Variants in LINGO2 observed in about 807,000 individuals in gnomAD.
The protein encoded by LINGO2 is leucine rich repeat and Ig domain containing 2, also known as leucine-rich repeat and immunoglobulin-like domain-containing nogo receptor-interacting protein 2.
LINGO2 carries 14 observed loss-of-function variants against 30.6 expected under a neutral mutation model. The ratio of observed to expected loss-of-function variants is 0.46; its 90% CI spans 0.30 to 0.72. LINGO2 has a LOEUF of 0.72. Among genes scored for constraint, LINGO2 ranks in the 30% least tolerant of loss-of-function variants. LINGO2 has a pLI of 0.07. For missense variants in LINGO2, 729 were observed against 751.7 expected (o/e 0.97, Z 0.35); for synonymous variants, 317 against 288.5 (o/e 1.10, Z -1.00).
At chr9:29,113,578 C>T in the LINGO2 span, among the ~76,000 whole-genome samples, 2 of 152,172 alleles carry the variant, frequency 1.3e-5, no homozygotes, top group Admixed American at 6.6e-5. Context: ...CCAATTCTGA[C>T]TAAAGAAGTA....
At chr9:29,075,137 T>C in the LINGO2 span, among the ~76,000 whole-genome samples, 20 of 152,174 alleles carry the variant, frequency 1.3e-4, no homozygotes, top group African/African-American at 4.6e-4. Flanking sequence ...TAAGATTACT[T>C]AGTTCTGAAA....
chr9:28,830,935 A>G, the LINGO2 span, among the ~76,000 whole-genome samples: 1 of 152,176 alleles, frequency 6.6e-6, no homozygotes, highest in South Asian at 2.1e-4. Flanking sequence ...CTAACGTAAT[A>G]CAGAGAACAA....
chr9:28,685,433 G>A, the LINGO2 span, among the ~76,000 whole-genome samples: 1 of 152,116 alleles, frequency 6.6e-6, no homozygotes, highest in South Asian at 2.1e-4. Context: ...ACTTTGCAAG[G>A]TGATCTTTAG....
At chr9:28,167,205 C>G (rs556211396) in intron 4 of LINGO2, among the ~76,000 whole-genome samples, 1 of 140,842 alleles carries the variant, frequency 7.1e-6, no homozygotes, top group South Asian at 2.4e-4. Flanking sequence ...CTTTAGAAAG[C>G]TGAAAATCTG....
At chr9:28,045,371 T>TATTAG (rs1824372950) in intron 4 of LINGO2, among the ~76,000 whole-genome samples, 1 of 152,180 alleles carries the variant, frequency 6.6e-6, no homozygotes, top group Non-Finnish European at 1.5e-5. Context: ...TATTATGAAT[T>TATTAG]GTCAAGTTTT....
chr9:28,753,302 GT>G, the LINGO2 span, among the ~76,000 whole-genome samples: 1 of 151,936 alleles, frequency 6.6e-6, no homozygotes, highest in Non-Finnish European at 1.5e-5. Flanking sequence ...AAATAGGGTG[GT>G]TTCTTTTTTC....
chr9:28,911,119 G>A, the LINGO2 span, among the ~76,000 whole-genome samples: 1 of 151,854 alleles, frequency 6.6e-6, no homozygotes, highest in Non-Finnish European at 1.5e-5. Flanking sequence ...ATATGATCTG[G>A]GTCGATTATG....
At chr9:29,006,650 T>C in the LINGO2 span, among the ~76,000 whole-genome samples, 4 of 152,230 alleles carry the variant, frequency 2.6e-5, no homozygotes, top group East Asian at 7.7e-4. Context: ...TTCTTTTTCT[T>C]GTAGCAACAG....
the LINGO2 span, among the ~76,000 whole-genome samples, chr9:28,975,367 T>TA: frequency 6.6e-6 from 1 of 152,232 alleles, no homozygotes; most frequent in Non-Finnish European, 1.5e-5. Flanking sequence ...CTCAGATGGT[T>TA]AATGTAATAT....
the LINGO2 span, among the ~76,000 whole-genome samples, chr9:29,084,514 A>G: frequency 6.6e-6 from 1 of 152,064 alleles, no homozygotes; most frequent in African/African-American, 2.4e-5. Context: ...CAATAAAGTC[A>G]TTAGGACAGG....
At chr9:28,453,140 A>G (rs1379749698) in intron 2 of LINGO2, among the ~76,000 whole-genome samples, 2 of 151,912 alleles carry the variant, frequency 1.3e-5, no homozygotes, top group African/African-American at 4.8e-5. Context: ...TAACATTTTT[A>G]TTTATTCAAT....
chr9:29,073,121 C>CTAT, the LINGO2 span, among the ~76,000 whole-genome samples: 4 of 151,876 alleles, frequency 2.6e-5, no homozygotes, highest in East Asian at 5.8e-4. Flanking sequence ...TTGTATAAAT[C>CTAT]TATTATTCCA....
At chr9:28,196,613 C>A (rs894051262) in intron 4 of LINGO2, among the ~76,000 whole-genome samples, 1 of 151,754 alleles carries the variant, frequency 6.6e-6, no homozygotes, top group Non-Finnish European at 1.5e-5. Context: ...CTTACAAATG[C>A]AAAATTGTGC....
At chr9:28,436,420 G>T (rs887882659) in intron 2 of LINGO2, among the ~76,000 whole-genome samples, 7 of 136,878 alleles carry the variant, frequency 5.1e-5, no homozygotes, top group East Asian at 2.1e-4. Flanking sequence ...ATAAGGAAGA[G>T]AATTTATTTA....
chr9:28,247,084 T>TA (rs1822030769), intron 4 of LINGO2, among the ~76,000 whole-genome samples: 1 of 152,084 alleles, frequency 6.6e-6, no homozygotes, highest in Non-Finnish European at 1.5e-5. Flanking sequence ...TGGCAATTAT[T>TA]AAAAAATCAC....
rs999200595 is a variant in LINGO2 at position 28,000,196 on chromosome 9, C to T, written c.-36+12159G>A. Among the ~76,000 whole-genome samples, 3 of 152,294 alleles carry T rather than the reference C, an allele frequency of 2.0e-5. No individual in the cohort carries two copies. The South Asian group carries it at 6.2e-4, about 32-fold the overall frequency. ...TGTATTAAATTATGAGAGGTGGCAGCAGTGCTCAAATTGCCATATGGCACA... is the reference window on the plus strand; with the variant it reads ...TGTATTAAATTATGAGAGGTGGCAGTAGTGCTCAAATTGCCATATGGCACA... On this transcript the variant is annotated intron_variant, in intron 5 of 5. Transcript: ENST00000379992.
intron 2 of LINGO2, among the ~76,000 whole-genome samples, chr9:28,384,113 AAT>A (rs1821471548): frequency 6.6e-6 from 1 of 151,534 alleles, no homozygotes; most frequent in Non-Finnish European, 1.5e-5. Context: ...TCTCTATCAT[AAT>A]AGTTATTTAT....
intron 4 of LINGO2, among the ~76,000 whole-genome samples, chr9:28,052,541 C>G (rs1824725098): frequency 6.6e-6 from 1 of 152,054 alleles, no homozygotes; most frequent in Non-Finnish European, 1.5e-5. Flanking sequence ...GATGACACTG[C>G]ACAGCCCAAG....
chr9:28,065,534 T>A (rs1243543108), intron 4 of LINGO2, among the ~76,000 whole-genome samples: 3 of 152,170 alleles, frequency 2.0e-5, no homozygotes, highest in Non-Finnish European at 4.4e-5. Context: ...ACTTTAAAAG[T>A]ATATTTTAAA....
Sources: gnomAD v4.1 joint callset for allele counts (sites outside exome capture counted in the v4.1 genomes callset) on GRCh38, gnomAD v4.1.1 for gene constraint, MANE v1.5 for transcripts, NCBI Gene and HGNC (gene_info 2026-07-23, HGNC 2026-07-21) for gene names.